The following PPM1L variants were observed in gnomAD, a reference collection of about 807,000 sequenced individuals.
PPM1L encodes the protein protein phosphatase, Mg2+/Mn2+ dependent 1L.
In PPM1L, 13 loss-of-function variants were observed where a neutral mutation model predicts 31.4. The observed-to-expected ratio is 0.41, with a 90% CI of 0.27 to 0.66. The LOEUF (loss-of-function observed/expected upper bound fraction) is 0.66, where lower values mean the gene tolerates loss of function less well. Ranked by LOEUF, PPM1L falls within the 30% of genes least tolerant of loss-of-function variation. The pLI, the probability that PPM1L is intolerant of heterozygous loss-of-function variation, is 0.29. For synonymous variants in PPM1L, 184 were observed against 175.4 expected (o/e 1.05, Z -0.39); for missense variants, 326 against 453.7 (o/e 0.72, Z 2.56).
intron 2 of PPM1L, among the ~76,000 whole-genome samples, chr3:161,065,049 C>G (rs755390688): frequency 2.0e-5 from 3 of 151,906 alleles, no homozygotes; most frequent in Non-Finnish European, 4.4e-5. Context: ...AAACTCAGCA[C>G]CAAGCAGAAG....
In PPM1L at chr3:160,830,149, A is replaced by G. The variant is rs185180519; in HGVS notation, c.399+73442A>G. On this transcript the variant is annotated intron_variant, in intron 1 of 3. Transcript: ENST00000498165. ...TGTAGTGGTTGTAAAAACAAAACCT[A>G]AGGATTTTCTATTGTTACCATCCTT... 2.6e-5 allele frequency among the ~76,000 whole-genome samples: 4 copies of G among 152,272 alleles called. No homozygotes were observed. In the East Asian group the frequency reaches 7.7e-4, roughly 29 times the overall value.
chr3:160,854,970 A>T (rs1191919827), intron 1 of PPM1L, among the ~76,000 whole-genome samples: 2 of 152,034 alleles, frequency 1.3e-5, no homozygotes, highest in Non-Finnish European at 2.9e-5. Flanking sequence ...TCAATTTCAA[A>T]CTATACTACA....
chr3:161,030,115 A>C (rs1718516649), intron 2 of PPM1L, among the ~76,000 whole-genome samples: 1 of 152,238 alleles, frequency 6.6e-6, no homozygotes, highest in Non-Finnish European at 1.5e-5. Flanking sequence ...ACAGTTTCCA[A>C]ATCAGCAACT....
In PPM1L at chr3:160,957,803, C is replaced by T. The variant is rs573335610; in HGVS notation, c.400-3933C>T. Among the ~76,000 whole-genome samples, 190 of 152,180 alleles carry T rather than the reference C, an allele frequency of 1.2e-3. 1 individual carries two copies. Among genetic ancestry groups the T allele is most frequent in the African/African-American group, 4.4e-3 (182 of 41,532 alleles). ...ATGTTAGCCAGGATGGTCTTGATCT[C>T]CTGACCTTGTGATCCGCCCGCCTCA... is the stretch of plus-strand genomic sequence containing the variant. On this transcript the variant is annotated intron_variant, in intron 1 of 3. Transcript: ENST00000498165.
At chr3:160,999,434 A>G (rs1164773158) in intron 2 of PPM1L, among the ~76,000 whole-genome samples, 1 of 152,158 alleles carries the variant, frequency 6.6e-6, no homozygotes, top group Non-Finnish European at 1.5e-5. Flanking sequence ...ATTGTACCAT[A>G]GATCCCCACC....
intron 1 of PPM1L, among the ~76,000 whole-genome samples, chr3:160,857,704 A>G (rs771922170): frequency 6.6e-6 from 1 of 152,210 alleles, no homozygotes; most frequent in Non-Finnish European, 1.5e-5. Context: ...TTAAAGGCTT[A>G]TGGGAGAGGC....
At chr3:160,950,107 A>G (rs931770216) in intron 1 of PPM1L, among the ~76,000 whole-genome samples, 1 of 152,148 alleles carries the variant, frequency 6.6e-6, no homozygotes, top group African/African-American at 2.4e-5. Flanking sequence ...ATTTCAGAGT[A>G]GAGAACATTT....
chr3:160,756,239 A>C lies in PPM1L; in HGVS notation c.-70A>C. On this transcript the variant is annotated 5_prime_UTR_variant, in exon 1 of 4. Transcript: ENST00000498165. The surrounding 1 kb of genome is among the most constrained non-coding windows in gnomAD (Gnocchi z 6.2). ...CTCCCTCCCGGCGGGCTGTCCCCGC[A>C]GTGCTCCCGGACCCGGCGAGCCTTC... 2 of 1,529,802 alleles carry C rather than the reference A, an allele frequency of 1.3e-6. No homozygotes were observed. Among genetic ancestry groups the C allele is most frequent in the South Asian group, 1.2e-5 (1 of 80,402 alleles). The allele number at this position is 1,529,802 out of a possible 1,614,324, so 94.8% of individuals were successfully genotyped here.
intron 1 of PPM1L, chr3:160,870,560 T>G (rs1422794800): frequency 6.6e-6 from 1 of 152,164 alleles, no homozygotes; most frequent in African/African-American, 2.4e-5. Flanking sequence ...TAAAGCAACA[T>G]TGCTGTGTCT....
intron 2 of PPM1L, among the ~76,000 whole-genome samples, chr3:161,043,019 C>CAA (rs746897902): frequency 3.7e-5 from 4 of 107,498 alleles, no homozygotes; most frequent in African/African-American, 1.1e-4. Flanking sequence ...GATTCTGTCT[C>CAA]AAAAAAAAAA....
rs530825027 is a variant in PPM1L, at chr3:160,848,010, T to G, written c.399+91303T>G. Among the ~76,000 whole-genome samples, 6 of 152,270 alleles carry G rather than the reference T, an allele frequency of 3.9e-5. No homozygotes were observed. The East Asian group carries it at 1.2e-3, about 29-fold the overall frequency. ...GAATGGAGGGCAGTCTGATTAGGCA[T>G]AGAGTACGATGGTAATGGATGTATA... On this transcript the variant is annotated intron_variant, in intron 1 of 3. Coordinates refer to ENST00000498165, the MANE Select transcript of PPM1L (RefSeq NM_139245.4).
intron 1 of PPM1L, among the ~76,000 whole-genome samples, chr3:160,936,749 A>G (rs1183449167): frequency 2.6e-5 from 4 of 152,200 alleles, no homozygotes; most frequent in Non-Finnish European, 4.4e-5. Flanking sequence ...CCTTTTTAGG[A>G]GAGTTTAATC....
chr3:160,790,056 G>A (rs1200879124), intron 1 of PPM1L, among the ~76,000 whole-genome samples: 1 of 151,984 alleles, frequency 6.6e-6, no homozygotes. Context: ...ATAATGACAA[G>A]AAAAACAGTT....
intron 1 of PPM1L, among the ~76,000 whole-genome samples, chr3:160,954,024 TA>T (rs1346457816): frequency 6.6e-6 from 1 of 152,188 alleles, no homozygotes; most frequent in African/African-American, 2.4e-5. Flanking sequence ...GCCATCTTTG[TA>T]AAAAATTAAT....
chr3:160,829,055 T>C (rs1387378160), intron 1 of PPM1L, among the ~76,000 whole-genome samples: 1 of 151,950 alleles, frequency 6.6e-6, no homozygotes, highest in Non-Finnish European at 1.5e-5. Context: ...GAGAACATGA[T>C]ACATGTCGTC....
chr3:160,936,118 A>AT (rs1000294269), intron 1 of PPM1L, among the ~76,000 whole-genome samples: 13 of 149,986 alleles, frequency 8.7e-5, no homozygotes, highest in Admixed American at 2.7e-4. Context: ...CTTGGAGAGA[A>AT]TTTTTTTTTT....
chr3:160,978,031 C>T (rs1266388212), intron 2 of PPM1L, among the ~76,000 whole-genome samples: 2 of 152,110 alleles, frequency 1.3e-5, no homozygotes, highest in Non-Finnish European at 2.9e-5. Context: ...TTAGGAATAT[C>T]ACCCCAAGGA....
In PPM1L at chr3:160,786,207, ATTTTTTTTT is replaced by A. The variant is rs35386910; in HGVS notation, c.399+29520_399+29528del. On this transcript the variant is annotated intron_variant, in intron 1 of 3. Transcript: ENST00000498165. ...TGTGTGTATATATATATATATATAT[ATTTTTTTTT>A]TTTTTTTTTTTTTTTTTTTAAGACA... Among the ~76,000 whole-genome samples, 158 of 30,840 alleles carry A rather than the reference ATTTTTTTTT, an allele frequency of 5.1e-3. 1 individual carries two copies. Among genetic ancestry groups the A allele is most frequent in the African/African-American group, 9.6e-3 (41 of 4,252 alleles). The allele number at this position is 30,840 out of a possible 152,430, so 20.2% of individuals were successfully genotyped here.
intron 1 of PPM1L, among the ~76,000 whole-genome samples, chr3:160,789,650 T>A (rs1027962032): frequency 6.6e-6 from 1 of 152,094 alleles, no homozygotes; most frequent in Non-Finnish European, 1.5e-5. Context: ...TAAGAATTTT[T>A]CAAAATTTGT....
Sources: allele counts gnomAD v4.1 joint callset (sites outside exome capture counted in the v4.1 genomes callset), GRCh38; gene constraint gnomAD v4.1.1; non-coding constraint Gnocchi (gnomAD v3.1); transcripts MANE v1.5; gene names NCBI Gene and HGNC (gene_info 2026-07-23, HGNC 2026-07-21).